MRPL37: variants seen among roughly 807,000 people sequenced by gnomAD.
MRPL37 encodes large ribosomal subunit protein mL37.
Under a neutral mutation model 44.1 loss-of-function variants are expected in MRPL37, and 34 were observed. The observed-to-expected ratio is 0.77, with a 90% CI of 0.59 to 1.03. The LOEUF is 1.03. MRPL37 is among the 50% of genes least tolerant of loss of function. The pLI, the probability that MRPL37 is intolerant of heterozygous loss-of-function variation, is 0.00. For missense variants in MRPL37, 532 were observed against 543.7 expected (o/e 0.98, Z 0.21); for synonymous variants, 212 against 219.5 (o/e 0.97, Z 0.30).
downstream of MRPL37, chr1:54,225,108 C>A (rs1317274556): frequency 4.1e-6 from 5 of 1,234,194 alleles, no homozygotes; most frequent in African/African-American, 6.2e-5. Context: ...CCAGGAGGAA[C>A]CTTTTTCTAC....
Position 54,216,256 on chromosome 1 carries a change from G to A in MRPL37, c.1106G>A (p.Gly369Asp). 1.9e-6 allele frequency: 3 copies of A among 1,614,188 alleles called. No individual in the cohort carries two copies. Among genetic ancestry groups the A allele is most frequent in the Non-Finnish European group, 2.5e-6 (3 of 1,180,046 alleles). The change falls in exon 6 of 7, where the codon GGT (glycine) becomes GAT (aspartate). Residue 369 changes from glycine (G) to aspartate (D), a missense_variant. By Grantham distance (94) the Gly-to-Asp change is moderately conservative (BLOSUM62 -1). Transcript: ENST00000360840. Reference protein sequence around the residue: ...LNTTDLDCNEGVKNLAWVDSD... With the variant: ...LNTTDLDCNEDVKNLAWVDSD... Reference sequence around the variant, plus strand: ...ACCACAGACCTGGACTGTAACGAGGGTGTCAAGAATTTGGCCTGGGTGGAC... The same window carrying A: ...ACCACAGACCTGGACTGTAACGAGGATGTCAAGAATTTGGCCTGGGTGGAC...
chr1:54,210,141 A>G lies in MRPL37; in HGVS notation c.832+10A>G. The G allele has an allele frequency of 1.2e-6, 2 of 1,611,932 alleles. No individual in the cohort carries two copies. The highest frequency in any genetic ancestry group is 1.7e-6 in the Non-Finnish European group (2 of 1,178,218). ...GTGAAAAATGACACAGGTAAGGATCAATGTCTTGGACTTTTAGGCAGTGTG... is the reference window on the plus strand; with the variant it reads ...GTGAAAAATGACACAGGTAAGGATCGATGTCTTGGACTTTTAGGCAGTGTG... On this transcript the variant is annotated intron_variant, in intron 4 of 6. Coordinates refer to ENST00000360840, the MANE Select transcript of MRPL37 (RefSeq NM_016491.4).
chr1:54,213,514 G>T (rs1316281619), intron 5 of MRPL37, among the ~76,000 whole-genome samples: 1 of 152,178 alleles, frequency 6.6e-6, no homozygotes, highest in Non-Finnish European at 1.5e-5. Context: ...GCCTTGCCCA[G>T]ATTGAGCACC....
intron 1 of MRPL37, among the ~76,000 whole-genome samples, chr1:54,201,019 C>T (rs977680609): frequency 2.0e-5 from 3 of 152,184 alleles, no homozygotes; most frequent in African/African-American, 4.8e-5. Context: ...GATGTTTAAT[C>T]TCCAGGCCTG....
downstream of MRPL37, chr1:54,225,130 T>TA (rs922901480): frequency 3.2e-6 from 4 of 1,234,056 alleles, no homozygotes; most frequent in South Asian, 1.2e-4. Context: ...TCCAGAAAAA[T>TA]AAAAGACATT....
chr1:54,219,326 C>T (rs1350684268), downstream of MRPL37, among the ~76,000 whole-genome samples: 2 of 152,264 alleles, frequency 1.3e-5, no homozygotes, highest in South Asian at 2.1e-4. Context: ...GCTGGAGGAG[C>T]TCTCAGCTAG....
In MRPL37 at chr1:54,216,132, T is replaced by C; in HGVS notation, c.991-9T>C. ...CTGATTTGTTTTCCTTGTCCCCTTT[T>C]CCTCTCAGAATGATGCCAAGGTCTT... On this transcript the variant is annotated splice_polypyrimidine_tract_variant and intron_variant, in intron 5 of 6. Coordinates refer to ENST00000360840, the MANE Select transcript of MRPL37 (RefSeq NM_016491.4). 2 of 1,614,138 alleles carry C rather than the reference T, an allele frequency of 1.2e-6. No individual in the cohort carries two copies. Among genetic ancestry groups the C allele is most frequent in the East Asian group, 2.2e-5 (1 of 44,890 alleles).
chr1:54,200,431 A>G lies in MRPL37; in HGVS notation c.188A>G (p.Lys63Arg). 6.2e-7 allele frequency: 1 copy of G among 1,614,252 alleles called. No homozygotes were observed. The highest frequency in any genetic ancestry group is 8.5e-7 in the Non-Finnish European group (1 of 1,180,048). Residue 63 changes from lysine to arginine, a missense_variant, in exon 1 of 7, where the codon AAG (lysine) becomes AGG (arginine). Transcript: ENST00000360840. ...CTGGAGCCCATCACCTTTGCGGGGAAGATGCACTTCGTGCCCTGGCTGGCG... is the reference window on the plus strand; with the variant it reads ...CTGGAGCCCATCACCTTTGCGGGGAGGATGCACTTCGTGCCCTGGCTGGCG... ...PGLEPITFAG[K>R]MHFVPWLARP... is the part of the protein sequence containing the mutation.
At chr1:54,225,294 G>A, downstream of MRPL37, 3 of 1,234,244 alleles carry the variant, frequency 2.4e-6, no homozygotes, top group Non-Finnish European at 3.0e-6. Context: ...GCAGGCCCAG[G>A]AAAAGAAGGC....
downstream of MRPL37, among the ~76,000 whole-genome samples, chr1:54,223,835 T>C (rs920146008): frequency 6.6e-6 from 1 of 152,204 alleles, no homozygotes; most frequent in Non-Finnish European, 1.5e-5. Flanking sequence ...CTGGCTCATG[T>C]AGAGCTCTGG....
At chr1:54,223,186 C>G (rs1018621436), downstream of MRPL37, among the ~76,000 whole-genome samples, 30 of 152,330 alleles carry the variant, frequency 2.0e-4, no homozygotes, top group African/African-American at 7.2e-4. Context: ...CAACTCCAAG[C>G]CCCCAGTGCT....
downstream of MRPL37, among the ~76,000 whole-genome samples, chr1:54,219,842 A>C (rs1348817628): frequency 6.6e-6 from 1 of 151,974 alleles, no homozygotes; most frequent in African/African-American, 2.4e-5. Flanking sequence ...TTCCTTTTTC[A>C]CCTGATGTCT....
chr1:54,210,039 C>CT lies in MRPL37; in HGVS notation c.741dup (p.Thr248TyrfsTer2). 1 of 1,614,178 alleles carries CT rather than the reference C, an allele frequency of 6.2e-7. No individual in the cohort carries two copies. Among genetic ancestry groups the CT allele is most frequent in the Non-Finnish European group, 8.5e-7 (1 of 1,180,012 alleles). ...ATCGCCTCCAGAGAGGAGATTGAAG[C>CT]TACTAAGAATCATGTTCTAGAGACC... On this transcript the variant is annotated frameshift_variant, in exon 4 of 7. Transcript: ENST00000360840. LOFTEE classifies it high-confidence loss of function.
chr1:54,200,247 G>C lies in MRPL37; in HGVS notation c.4G>C (p.Ala2Pro), dbSNP rs1316950251. The part of the protein sequence containing the change: M[A>P]LASGPARRAL... ...GTCTTGAGGCTATCAGATCGGTATG[G>C]CATTGGCGTCCGGGCCCGCAAGGCG... Residue 2 changes from alanine (A) to proline (P), a missense_variant, in exon 1 of 7, where the codon GCA becomes CCA. Ala to Pro is a conservative substitution (Grantham distance 27, BLOSUM62 -1). Transcript: ENST00000360840. 6.3e-7 allele frequency: 1 copy of C among 1,584,182 alleles called. No homozygotes were observed. The highest frequency in any genetic ancestry group is 1.3e-5 in the African/African-American group (1 of 74,152).
chr1:54,212,771 G>A, intron 5 of MRPL37, 113 bp downstream of exon 5: 2 of 1,428,422 alleles, frequency 1.4e-6, no homozygotes, highest in Non-Finnish European at 1.9e-6. Flanking sequence ...CTTGACTGAG[G>A]AGTTTTAGGG....
At chr1:54,213,439 C>T (rs1644177836) in intron 5 of MRPL37, among the ~76,000 whole-genome samples, 1 of 152,144 alleles carries the variant, frequency 6.6e-6, no homozygotes, top group African/African-American at 2.4e-5. Context: ...TACTGTTTCC[C>T]ATCTTATTTG....
At chr1:54,202,024 A>G (rs984334142) in intron 1 of MRPL37, among the ~76,000 whole-genome samples, 1 of 145,690 alleles carries the variant, frequency 6.9e-6, no homozygotes, top group African/African-American at 2.6e-5. Flanking sequence ...TTTTTTTGAG[A>G]CAGCATCTTG....
intron 1 of MRPL37, among the ~76,000 whole-genome samples, chr1:54,202,296 C>G (rs1644090652): frequency 2.0e-5 from 3 of 151,834 alleles, no homozygotes; most frequent in Non-Finnish European, 4.4e-5. Flanking sequence ...GCCACTGCCC[C>G]TGCCCAAAAG....
At chr1:54,215,248 T>A (rs967172253) in intron 5 of MRPL37, among the ~76,000 whole-genome samples, 1 of 152,090 alleles carries the variant, frequency 6.6e-6, no homozygotes, top group East Asian at 1.9e-4. Flanking sequence ...TAGCATGGAG[T>A]CTGATCCCCA....
Sources: allele counts gnomAD v4.1 joint callset (sites outside exome capture counted in the v4.1 genomes callset), GRCh38; gene constraint gnomAD v4.1.1; transcripts MANE v1.5; gene names NCBI Gene and HGNC (gene_info 2026-07-23, HGNC 2026-07-21).